Variants in TMEM218 observed in about 807,000 individuals in gnomAD.
TMEM218 encodes the protein transmembrane protein 218.
In TMEM218, 8 loss-of-function variants were observed where a neutral mutation model predicts 10.0. The observed-to-expected ratio is 0.80, with a 90% CI of 0.47 to 1.44. The LOEUF (loss-of-function observed/expected upper bound fraction) is 1.44. Ranked by LOEUF, TMEM218 falls within the 40% of genes most tolerant of loss-of-function variation. The pLI is 0.00. For missense variants in TMEM218, 110 were observed against 140.1 expected, an observed-to-expected ratio of 0.79 and a Z score of 1.08; for synonymous variants, 66 against 63.5, an observed-to-expected ratio of 1.04 and a Z score of -0.18.
At chr11:125,099,261 C>T (rs1950230133) in intron 4 of TMEM218, among the ~76,000 whole-genome samples, 1 of 152,164 alleles carries the variant, frequency 6.6e-6, no homozygotes, top group Admixed American at 6.5e-5. Context: ...TAACTTTGAC[C>T]TTGGCTCCGG....
chr11:125,106,032 A>G (rs1449822936), intron 1 of TMEM218, among the ~76,000 whole-genome samples: 1 of 152,116 alleles, frequency 6.6e-6, no homozygotes, highest in Non-Finnish European at 1.5e-5. Flanking sequence ...TGAGAAAGAC[A>G]TGCAAAGCAA....
Position 125,102,266 on chromosome 11 carries a change from C to A in TMEM218, c.-25G>T. On this transcript the variant is annotated 5_prime_UTR_variant, in exon 3 of 5. Coordinates refer to ENST00000682305, the MANE Select transcript of TMEM218 (RefSeq NM_001258244.2). ...TCCCGCGGGGAGGCAGCGGCGGCCC[C>A]CCGCCCTGCGCGCCGCACGATCGAG... is the stretch of plus-strand genomic sequence containing the variant. 6.2e-7 allele frequency: 1 copy of A among 1,609,040 alleles called. No homozygotes were observed. Among genetic ancestry groups the A allele is most frequent in the Non-Finnish European group, 8.5e-7 (1 of 1,178,168 alleles).
rs1422829812 is a variant in TMEM218, at chr11:125,101,636, T to C, written c.111-333A>G. 6.0e-6 allele frequency: 4 copies of C among 667,828 alleles called. No homozygotes were observed. In the Admixed American group the frequency reaches 1.3e-4, roughly 22 times the overall value. The allele number at this position is 667,828 out of a possible 1,614,324, so 41.4% of individuals were successfully genotyped here. A position where few individuals can be genotyped will look rare whatever the true frequency, so the allele number is the denominator to read the frequency against. Reference sequence around the variant, plus strand: ...CTGTTGTTTTTAGAACAGAATACTTTAGAAAATTCTACAACTCTCTGCTTC... The same window carrying C: ...CTGTTGTTTTTAGAACAGAATACTTCAGAAAATTCTACAACTCTCTGCTTC... On this transcript the variant is annotated intron_variant, in intron 3 of 4. Transcript: ENST00000682305.
Position 125,097,159 on chromosome 11 carries a change from C to T in TMEM218, c.*447G>A, listed in dbSNP as rs1430006022. Reference sequence around the variant, plus strand: ...TCTGAGTAAGTCTTCCAAATTATCACATTAAAATAACCTTTCAAATTTGAG... The same window carrying T: ...TCTGAGTAAGTCTTCCAAATTATCATATTAAAATAACCTTTCAAATTTGAG... On this transcript the variant is annotated 3_prime_UTR_variant, in exon 5 of 5. Transcript: ENST00000682305. 6.6e-6 allele frequency: 1 copy of T among 152,462 alleles called. No homozygotes were observed. The highest frequency in any genetic ancestry group is 2.4e-5 in the African/African-American group (1 of 41,470). 9.4% of individuals were successfully genotyped at this position (152,462 alleles called of 1,614,324 possible). A position where few individuals can be genotyped will look rare whatever the true frequency, so the allele number is the denominator to read the frequency against.
chr11:125,106,062 C>G (rs1004206171), intron 1 of TMEM218, among the ~76,000 whole-genome samples: 3 of 151,196 alleles, frequency 2.0e-5, no homozygotes, highest in Non-Finnish European at 4.4e-5. Context: ...AGACAAAAAC[C>G]AGGGAAGGAG....
intron 1 of TMEM218, among the ~76,000 whole-genome samples, chr11:125,109,152 T>A (rs996580023): frequency 1.3e-5 from 2 of 152,212 alleles, no homozygotes; most frequent in African/African-American, 4.8e-5. Flanking sequence ...TTAAAATGAA[T>A]GAAATTGATC....
At chr11:125,101,799 G>A (rs1198136618) in intron 3 of TMEM218, 11 of 484,082 alleles carry the variant, frequency 2.3e-5, no homozygotes, top group Middle Eastern at 5.3e-4. Context: ...CCTGGGTCCA[G>A]GGCTAGAGCC....
intron 3 of TMEM218, chr11:125,101,587 A>T: frequency 9.2e-7 from 1 of 1,087,400 alleles, no homozygotes; most frequent in Middle Eastern, 2.3e-4. Context: ...GAAAAACCAA[A>T]GCATCCCCTC....
intron 3 of TMEM218, chr11:125,101,720 T>A: frequency 1.9e-6 from 1 of 532,942 alleles, no homozygotes. Context: ...GTTTATGGCC[T>A]AACCCTGTTC....
Position 125,094,496 on chromosome 11 carries a change from GTTAC to G in TMEM218, c.*3106_*3109del, listed in dbSNP as rs1396941411. Among the ~76,000 whole-genome samples, 1 of 152,220 alleles carries G rather than the reference GTTAC, an allele frequency of 6.6e-6. No individual in the cohort carries two copies. The highest frequency in any genetic ancestry group is 1.5e-5 in the Non-Finnish European group (1 of 68,030). On this transcript the variant is annotated 3_prime_UTR_variant, in exon 5 of 5. Coordinates refer to ENST00000682305, the MANE Select transcript of TMEM218 (RefSeq NM_001258244.2). ...GTATTAACCAATGTAAAAATAAGGA[GTTAC>G]TTGAAAGTCAAAAGTGATCTTTCAA... is the stretch of plus-strand genomic sequence containing the variant.
At chr11:125,099,921 CAAAAA>C (rs34211632) in intron 4 of TMEM218, among the ~76,000 whole-genome samples, 2 of 100,402 alleles carry the variant, frequency 2.0e-5, no homozygotes, top group South Asian at 3.5e-4. Flanking sequence ...GAGACTGTCT[CAAAAA>C]AAAAAAAAAA....
chr11:125,107,544 A>T (rs1006759727), intron 1 of TMEM218, among the ~76,000 whole-genome samples: 1 of 152,076 alleles, frequency 6.6e-6, no homozygotes, highest in Admixed American at 6.5e-5. Flanking sequence ...AAAAGATGAT[A>T]TTATTATATT....
chr11:125,109,654 A>G (rs1187509510), intron 1 of TMEM218, among the ~76,000 whole-genome samples: 1 of 152,236 alleles, frequency 6.6e-6, no homozygotes, highest in Non-Finnish European at 1.5e-5. Context: ...GCAATTCTCC[A>G]GATAAGAGAT....
chr11:125,111,370 T>G (rs1377194191), intron 1 of TMEM218, among the ~76,000 whole-genome samples, 169 bp downstream of exon 1: 1 of 152,112 alleles, frequency 6.6e-6, no homozygotes, highest in East Asian at 1.9e-4. Flanking sequence ...AAACAGTCCT[T>G]CCTTCTCTGC....
chr11:125,099,821 G>A (rs1164210275), intron 4 of TMEM218, among the ~76,000 whole-genome samples: 2 of 151,978 alleles, frequency 1.3e-5, no homozygotes, highest in East Asian at 1.9e-4. Context: ...CTACTCGGGA[G>A]GCTGAGGCAG....
chr11:125,107,174 G>A (rs780352353), intron 1 of TMEM218, among the ~76,000 whole-genome samples: 26 of 152,292 alleles, frequency 1.7e-4, no homozygotes, highest in Admixed American at 1.3e-4. Context: ...GAGGTCAGGC[G>A]TATGGTTGGC....
intron 4 of TMEM218, among the ~76,000 whole-genome samples, chr11:125,099,503 C>G (rs1950285883): frequency 6.6e-6 from 1 of 152,194 alleles, no homozygotes; most frequent in South Asian, 2.1e-4. Flanking sequence ...TCTCCTGGGT[C>G]TGAAACTCAT....
At position 125,096,925 on chromosome 11, in the gene TMEM218, G is replaced by GACAAAAA. The variant is rs1325030043; in HGVS notation, c.*674_*680dup. ...AAAAAAACCTACAGATACATGGCAA[G>GACAAAAA]ACAAAAAACAAAAAACAATATTTCC... On this transcript the variant is annotated 3_prime_UTR_variant, in exon 5 of 5. Coordinates refer to ENST00000682305, the MANE Select transcript of TMEM218 (RefSeq NM_001258244.2). 6.6e-6 allele frequency: 1 copy of GACAAAAA among 151,964 alleles called. No individual in the cohort carries two copies. The highest frequency in any genetic ancestry group is 1.5e-5 in the Non-Finnish European group (1 of 67,956). The allele number at this position is 151,964 out of a possible 1,614,324, so 9.4% of individuals were successfully genotyped here.
chr11:125,097,913 T>C (rs1299511705), intron 4 of TMEM218, among the ~76,000 whole-genome samples, 173 bp from the exon 5 acceptor site: 1 of 152,186 alleles, frequency 6.6e-6, no homozygotes, highest in East Asian at 1.9e-4. Context: ...CTCAACTCCC[T>C]GAGCAGGAGA....
Sources: gnomAD v4.1 joint callset for allele counts (sites outside exome capture counted in the v4.1 genomes callset) on GRCh38, gnomAD v4.1.1 for gene constraint, MANE v1.5 for transcripts, NCBI Gene and HGNC (gene_info 2026-07-23, HGNC 2026-07-21) for gene names.